The following AP3S2 variants were observed in gnomAD, a reference collection of about 807,000 sequenced individuals.
AP3S2 encodes the protein AP-3 complex subunit sigma-2.
Under a neutral mutation model 23.4 loss-of-function variants are expected in AP3S2, and 22 were observed. The observed-to-expected ratio is 0.94, with a 90% CI of 0.67 to 1.34. AP3S2 has a LOEUF of 1.34. AP3S2 is among the 40% of genes most tolerant of loss of function. The pLI is 0.00. For missense variants in AP3S2, 241 were observed against 236.9 expected, an observed-to-expected ratio of 1.02 and a Z score of -0.11; for synonymous variants, 86 against 87.1, an observed-to-expected ratio of 0.99 and a Z score of 0.07.
rs1895097870 is a variant in AP3S2, at chr15:89,832,428, T to G, written c.*3087A>C. On this transcript the variant is annotated 3_prime_UTR_variant, in exon 6 of 6. Transcript: ENST00000336418. The stretch of plus-strand genomic sequence containing the variant: ...CACTGCACTCCAGCCTGAGCCACAG[T>G]GTGAGACCCCCATCTCACAAAAAAA... 6.6e-6 allele frequency: 1 copy of G among 151,522 alleles called. No homozygotes were observed. Among genetic ancestry groups the G allele is most frequent in the Admixed American group, 6.6e-5 (1 of 15,216 alleles). The allele number at this position is 151,522 out of a possible 1,614,324, so 9.4% of individuals were successfully genotyped here.
chr15:89,876,457 T>C (rs1484397771), intron 3 of AP3S2: 2 of 151,804 alleles, frequency 1.3e-5, no homozygotes, highest in African/African-American at 2.4e-5. Context: ...AAGAAAACCA[T>C]GGATCAGATC....
At position 89,846,861 on chromosome 15, in the gene AP3S2, G is replaced by A. The variant is rs779588421; in HGVS notation, c.346-9139C>T. 2.0e-4 allele frequency among the ~76,000 whole-genome samples: 31 copies of A among 151,930 alleles called. No homozygotes were observed. In the South Asian group the frequency reaches 3.1e-3, roughly 15 times the overall value. On this transcript the variant is annotated intron_variant, in intron 4 of 5. Coordinates refer to ENST00000336418, the MANE Select transcript of AP3S2 (RefSeq NM_005829.5). Reference sequence around the variant, plus strand: ...ATTTTTGTATTTTTTGGTAGAAATGGGGTCTCACCATGTTGGCCAGGCTGG... The same window carrying A: ...ATTTTTGTATTTTTTGGTAGAAATGAGGTCTCACCATGTTGGCCAGGCTGG...
At chr15:89,865,166 C>G (rs1343581143) in intron 4 of AP3S2, among the ~76,000 whole-genome samples, 1 of 152,146 alleles carries the variant, frequency 6.6e-6, no homozygotes, top group Non-Finnish European at 1.5e-5. Context: ...GAGCACTGCT[C>G]TACCTCATCC....
At chr15:89,853,573 G>A (rs968098169) in intron 4 of AP3S2, among the ~76,000 whole-genome samples, 1 of 147,624 alleles carries the variant, frequency 6.8e-6, no homozygotes, top group Non-Finnish European at 1.5e-5. Context: ...GCCGCCCATC[G>A]TCTGGGATGT....
At chr15:89,885,711 G>T (rs28628124) in intron 3 of AP3S2, among the ~76,000 whole-genome samples, 6,471 of 152,016 alleles carry the variant, frequency 0.043, 366 homozygotes, top group African/African-American at 0.13. Flanking sequence ...GGAGGCCAAA[G>T]TGGGAAGACT....
At chr15:89,838,157 A>G (rs1270093132) in intron 4 of AP3S2, 1 of 166,646 alleles carries the variant, frequency 6.0e-6, no homozygotes, top group Non-Finnish European at 1.3e-5. Flanking sequence ...TTCATTATTA[A>G]TATTACCATC....
At chr15:89,853,911 G>A (rs1412159436) in intron 4 of AP3S2, among the ~76,000 whole-genome samples, 5 of 44,048 alleles carry the variant, frequency 1.1e-4, no homozygotes, top group African/African-American at 4.5e-4. Flanking sequence ...CCCTCCGCCC[G>A]GCAGCTGCCC....
At chr15:89,868,002 C>T (rs1423050563) in intron 4 of AP3S2, among the ~76,000 whole-genome samples, 124 of 137,306 alleles carry the variant, frequency 9.0e-4, no homozygotes, top group Middle Eastern at 8.8e-3. Context: ...GGGTCAGCCC[C>T]CCGCCCGGCC....
intron 3 of AP3S2, among the ~76,000 whole-genome samples, chr15:89,875,381 T>C (rs577808776): frequency 1.3e-5 from 2 of 152,350 alleles, no homozygotes; most frequent in South Asian, 2.1e-4. Flanking sequence ...GTCAGATGCA[T>C]CTGTTTTTCT....
chr15:89,860,610 G>C (rs1895990566), intron 4 of AP3S2, among the ~76,000 whole-genome samples: 1 of 152,134 alleles, frequency 6.6e-6, no homozygotes, highest in African/African-American at 2.4e-5. Flanking sequence ...GTGCATAACT[G>C]GAACTACAGA....
chr15:89,865,395 G>A (rs1019104128), intron 4 of AP3S2: 6 of 152,140 alleles, frequency 3.9e-5, no homozygotes, highest in African/African-American at 7.2e-5. Flanking sequence ...CATGTTTCTC[G>A]AAGGGGAAAG....
At chr15:89,875,452 C>A (rs951764310) in intron 3 of AP3S2, among the ~76,000 whole-genome samples, 1 of 152,028 alleles carries the variant, frequency 6.6e-6, no homozygotes, top group Non-Finnish European at 1.5e-5. Context: ...AGAAAGAAAA[C>A]GAAGGACGAA....
At chr15:89,837,099 G>A (rs1325811644) in intron 5 of AP3S2, among the ~76,000 whole-genome samples, 1 of 152,152 alleles carries the variant, frequency 6.6e-6, no homozygotes, top group African/African-American at 2.4e-5. Flanking sequence ...GGGGTGGACT[G>A]GGGTATGTTA....
chr15:89,863,565 G>C (rs1268841131), intron 4 of AP3S2, among the ~76,000 whole-genome samples: 1 of 152,204 alleles, frequency 6.6e-6, no homozygotes, highest in Non-Finnish European at 1.5e-5. Context: ...GAAAAAGAGA[G>C]AAGCAGTGAT....
At chr15:89,862,922 T>A (rs1896038396) in intron 4 of AP3S2, among the ~76,000 whole-genome samples, 1 of 152,006 alleles carries the variant, frequency 6.6e-6, no homozygotes, top group Non-Finnish European at 1.5e-5. Flanking sequence ...ATACCCAAGT[T>A]TTGCTTCAAG....
At chr15:89,867,740 C>T (rs1262026889) in intron 4 of AP3S2, among the ~76,000 whole-genome samples, 9 of 140,024 alleles carry the variant, frequency 6.4e-5, no homozygotes, top group East Asian at 2.3e-4. Flanking sequence ...TCTGCCCGGC[C>T]GCCCTGTCTG....
At chr15:89,874,558 C>T (rs889245967) in intron 3 of AP3S2, among the ~76,000 whole-genome samples, 5 of 152,172 alleles carry the variant, frequency 3.3e-5, no homozygotes, top group African/African-American at 7.2e-5. Flanking sequence ...GAAGATCCCT[C>T]GAGCCCAGGA....
intron 3 of AP3S2, chr15:89,878,399 A>G: frequency 1.9e-6 from 1 of 529,306 alleles, no homozygotes; most frequent in East Asian, 3.3e-5. Flanking sequence ...TCTAACTTAC[A>G]AACAAACAAA....
intron 3 of AP3S2, chr15:89,876,988 A>G (rs1011904282): frequency 3.6e-5 from 10 of 280,132 alleles, no homozygotes; most frequent in African/African-American, 2.2e-4. Context: ...ATCCAGTGAA[A>G]TTTGCTGAAC....
Sources: gnomAD v4.1 joint callset for allele counts (sites outside exome capture counted in the v4.1 genomes callset) on GRCh38, gnomAD v4.1.1 for gene constraint, MANE v1.5 for transcripts, NCBI Gene and HGNC (gene_info 2026-07-23, HGNC 2026-07-21) for gene names.